The following AKAP9 variants were observed in gnomAD, a reference collection of about 807,000 sequenced individuals.
AKAP9 encodes A-kinase anchoring protein 9.
AKAP9 carries 311 observed loss-of-function variants against 488.5 expected under a neutral mutation model. That is an observed-to-expected ratio of 0.64 (90% CI 0.58 to 0.70). The LOEUF is 0.70. AKAP9 is among the 30% of genes least tolerant of loss of function. The pLI is 0.00. For synonymous variants in AKAP9, 1,462 were observed against 1,483.5 expected, an observed-to-expected ratio of 0.99 and a Z score of 0.33; for missense variants, 4,215 against 4,374.5, an observed-to-expected ratio of 0.96 and a Z score of 1.03.
In AKAP9 at chr7:92,097,615, A is replaced by T. The variant is rs774562127; in HGVS notation, c.10428A>T (p.Arg3476Ser). The T allele has an allele frequency of 3.1e-6, 5 of 1,613,656 alleles. No individual in the cohort carries two copies. Among genetic ancestry groups the T allele is most frequent in the Non-Finnish European group, 4.2e-6 (5 of 1,180,022 alleles). The change falls in exon 42 of 50, where the codon AGA becomes AGT. Residue 3476 changes from arginine to serine, a missense_variant. This residue lies in a region of AKAP9 where 1,476 missense variants were observed against 1,477.4 expected (regional missense o/e 1.00). Transcript: ENST00000356239. Reference protein sequence around the residue: ...EPTTWSLTSDRTRNWVLQQKI... With the variant: ...EPTTWSLTSDSTRNWVLQQKI... ...CCACGTGGAGCTTAACCAGTGATAG[A>T]ACTAGAAATTGGGTTCTTCAACAGA...
chr7:92,090,734 A>C (rs755476071), intron 38 of AKAP9: 53 of 152,044 alleles, frequency 3.5e-4, no homozygotes, highest in Admixed American at 7.9e-4. Context: ...CTGTTTAGCT[A>C]TCAATGTTAT....
chr7:91,961,745 G>A (rs2130514293), intron 1 of AKAP9, among the ~76,000 whole-genome samples: 1 of 151,938 alleles, frequency 6.6e-6, no homozygotes, highest in South Asian at 2.1e-4. Context: ...TCGGGAGGCT[G>A]AGTCAGGAGA....
chr7:91,999,804 C>G (rs141539098), intron 7 of AKAP9, among the ~76,000 whole-genome samples: 1 of 152,312 alleles, frequency 6.6e-6, no homozygotes, highest in East Asian at 1.9e-4. Flanking sequence ...GCCAACATTT[C>G]CCTCTGAGGC....
intron 3 of AKAP9, 34 bp from the exon 4 acceptor site, chr7:91,992,124 G>T: frequency 6.6e-7 from 1 of 1,508,796 alleles, no homozygotes; most frequent in South Asian, 1.1e-5. Flanking sequence ...TTATGTCTAA[G>T]ATCATAATAT....
chr7:92,041,879 A>G (rs1283531235), intron 18 of AKAP9, 167 bp from the exon 19 acceptor site: 4 of 629,248 alleles, frequency 6.4e-6, no homozygotes, highest in East Asian at 5.7e-5. Flanking sequence ...AATATTTTAA[A>G]TTTTGCATTG....
At chr7:91,982,983 G>C (rs752824736) in intron 3 of AKAP9, among the ~76,000 whole-genome samples, 3 of 151,936 alleles carry the variant, frequency 2.0e-5, no homozygotes, top group African/African-American at 7.2e-5. Flanking sequence ...ATAAATGTCT[G>C]CTTTTGAGAA....
At chr7:92,021,087 G>A (rs1392803119) in intron 12 of AKAP9, among the ~76,000 whole-genome samples, 3 of 152,152 alleles carry the variant, frequency 2.0e-5, no homozygotes, top group Admixed American at 6.5e-5. Flanking sequence ...TATGGCATAC[G>A]TCATTCTTTC....
In AKAP9 at chr7:92,086,244, A is replaced by G; in HGVS notation, c.9041A>G (p.Gln3014Arg). The change falls in exon 37 of 50, where the codon CAA (glutamine) becomes CGA (arginine). Residue 3014 changes from glutamine to arginine, a missense_variant. Coordinates refer to ENST00000356239, the MANE Select transcript of AKAP9 (RefSeq NM_005751.5). ...CTTTGCTAGGTTTATGATAGTTCTC[A>G]ATCTCATGAGAGCTTCTCAGACTGG... ...QREAEVYDSS[Q>R]SHESFSDWRG... 2 of 1,614,072 alleles carry G rather than the reference A, an allele frequency of 1.2e-6. No homozygotes were observed. Among genetic ancestry groups the G allele is most frequent in the Non-Finnish European group, 8.5e-7 (1 of 1,179,942 alleles).
intron 1 of AKAP9, among the ~76,000 whole-genome samples, chr7:91,962,158 AT>A (rs755979407): frequency 6.6e-6 from 1 of 152,142 alleles, no homozygotes; most frequent in Admixed American, 6.5e-5. Context: ...ATTGAGTAGA[AT>A]TTTTTCCTTA....
At chr7:91,999,908 G>A (rs1798931800) in intron 7 of AKAP9, among the ~76,000 whole-genome samples, 2 of 152,138 alleles carry the variant, frequency 1.3e-5, no homozygotes, top group Non-Finnish European at 2.9e-5. Context: ...CTGTTTGCCT[G>A]GGACTCCTGT....
chr7:92,093,892 C>G (rs1816076268), intron 39 of AKAP9, among the ~76,000 whole-genome samples: 1 of 151,534 alleles, frequency 6.6e-6, no homozygotes, highest in Admixed American at 6.6e-5. Context: ...GCTCTGTCGC[C>G]CAGACTGGAG....
chr7:92,032,394 G>A (rs996060852), intron 16 of AKAP9, among the ~76,000 whole-genome samples: 4 of 151,916 alleles, frequency 2.6e-5, no homozygotes, highest in Admixed American at 2.0e-4. Flanking sequence ...TGTTCAGGAG[G>A]CTGAGGCAGG....
chr7:92,095,570 C>T (rs1202188623), intron 40 of AKAP9, among the ~76,000 whole-genome samples: 1 of 152,168 alleles, frequency 6.6e-6, no homozygotes, highest in Non-Finnish European at 1.5e-5. Flanking sequence ...TTAAAGTGAA[C>T]ATTGGCCCCT....
At position 92,105,697 on chromosome 7, in the gene AKAP9, C is replaced by T. The variant is rs1818400785; in HGVS notation, c.11350C>T (p.Arg3784Trp). 1 of 1,614,062 alleles carries T rather than the reference C, an allele frequency of 6.2e-7. No individual in the cohort carries two copies. The highest frequency in any genetic ancestry group is 8.5e-7 in the Non-Finnish European group (1 of 1,179,954). The stretch of plus-strand genomic sequence containing the variant: ...TTTTAGAATGAAATTTTTGGTTCGA[C>T]GGTGGCATCGAGTCACAGGTTCTGT... ...AISRMKFLVR[R>W]WHRVTGSVSI... is the part of the protein sequence containing the mutation. Residue 3784 changes from arginine (R) to tryptophan (W), a missense_variant, in exon 47 of 50, where the codon CGG (arginine) becomes TGG (tryptophan). Physicochemically the swap from Arg to Trp is moderately radical, Grantham distance 101 (BLOSUM62 -3). Around this residue, in one of 5 missense-constraint regions of AKAP9, gnomAD observed 253 missense variants for 266.8 expected, o/e 0.95. Transcript: ENST00000356239.
At chr7:91,994,157 G>C (rs1019294944) in intron 5 of AKAP9, among the ~76,000 whole-genome samples, 5 of 152,038 alleles carry the variant, frequency 3.3e-5, no homozygotes, top group Non-Finnish European at 7.4e-5. Flanking sequence ...CGATGTCAGT[G>C]GGTCCTTGTA....
rs1396331763 is a variant in AKAP9, at chr7:92,017,586, CTT to C, written c.3837+485_3837+486del. Among the ~76,000 whole-genome samples the C allele has an allele frequency of 2.0e-5, 3 of 152,094 alleles. No individual in the cohort carries two copies. The East Asian group carries it at 5.8e-4, about 29-fold the overall frequency. The stretch of plus-strand genomic sequence containing the variant: ...TTATTAACTCTTATCAGTAAAACAA[CTT>C]AAGGCACATATTGGCAAGGATAAGT... On this transcript the variant is annotated intron_variant, in intron 12 of 49. Coordinates refer to ENST00000356239, the MANE Select transcript of AKAP9 (RefSeq NM_005751.5).
intron 22 of AKAP9, 48 bp from the exon 23 acceptor site, chr7:92,061,212 A>ATT: frequency 6.2e-7 from 1 of 1,601,086 alleles, no homozygotes; most frequent in Non-Finnish European, 8.5e-7. Context: ...TGAAACTAGT[A>ATT]TTTCCACACT....
rs929277941 is a variant in AKAP9 at position 91,940,876 on chromosome 7, A to G, written c.-224A>G. The G allele has an allele frequency of 3.4e-6, 2 of 593,122 alleles. No homozygotes were observed. Among genetic ancestry groups the G allele is most frequent in the African/African-American group, 1.9e-5 (1 of 53,486 alleles). 36.7% of individuals were successfully genotyped at this position (593,122 alleles called of 1,614,324 possible). A position where few individuals can be genotyped will look rare whatever the true frequency, so the allele number is the denominator to read the frequency against. On this transcript the variant is annotated 5_prime_UTR_variant, in exon 1 of 50. Transcript: ENST00000356239. The stretch of plus-strand genomic sequence containing the variant: ...CGCCTCGCCGTGTGTTTACGTGGAG[A>G]CGAAGATGGCGGCGGCGGCGGCGGT...
chr7:92,055,373 G>A (rs1416534493), intron 22 of AKAP9, among the ~76,000 whole-genome samples: 1 of 152,066 alleles, frequency 6.6e-6, no homozygotes, highest in Admixed American at 6.6e-5. Flanking sequence ...CATTGGTCTA[G>A]GCTCCGTCAG....
Sources: allele counts gnomAD v4.1 joint callset (sites outside exome capture counted in the v4.1 genomes callset), GRCh38; gene constraint gnomAD v4.1.1; regional missense constraint gnomAD v4.1.1; transcripts MANE v1.5; gene names NCBI Gene and HGNC (gene_info 2026-07-23, HGNC 2026-07-21).